Variants in PPP1R1B observed in about 807,000 individuals in gnomAD.
PPP1R1B encodes the protein protein phosphatase 1 regulatory inhibitor subunit 1B, also known as protein phosphatase 1 regulatory subunit 1B.
PPP1R1B carries 13 observed loss-of-function variants against 28.2 expected under a neutral mutation model. The observed-to-expected ratio is 0.46, with a 90% CI of 0.30 to 0.73. The LOEUF (loss-of-function observed/expected upper bound fraction) is 0.73, where lower values mean the gene tolerates loss of function less well. Ranked by LOEUF, PPP1R1B falls within the 30% of genes least tolerant of loss-of-function variation. The pLI is 0.07. For synonymous variants in PPP1R1B, 102 were observed against 97.5 expected, an observed-to-expected ratio of 1.05 and a Z score of -0.27; for missense variants, 236 against 256.7, an observed-to-expected ratio of 0.92 and a Z score of 0.55.
chr17:39,629,153 T>A lies in PPP1R1B; in HGVS notation c.82-17T>A. On this transcript the variant is annotated splice_polypyrimidine_tract_variant and intron_variant, in intron 1 of 6. Coordinates refer to ENST00000254079, the MANE Select transcript of PPP1R1B (RefSeq NM_032192.4). ...CTGCAGGTGTCCATCCAGTCACCCCTCCCTCCATCTCCTTAGATCCGGCGC... is the reference window on the plus strand; with the variant it reads ...CTGCAGGTGTCCATCCAGTCACCCCACCCTCCATCTCCTTAGATCCGGCGC... 6.2e-7 allele frequency: 1 copy of A among 1,612,752 alleles called. No homozygotes were observed. The highest frequency in any genetic ancestry group is 1.1e-5 in the South Asian group (1 of 91,044).
At position 39,629,152 on chromosome 17, in the gene PPP1R1B, C is replaced by T; in HGVS notation, c.82-18C>T. On this transcript the variant is annotated intron_variant, in intron 1 of 6. Coordinates refer to ENST00000254079, the MANE Select transcript of PPP1R1B (RefSeq NM_032192.4). ...GCTGCAGGTGTCCATCCAGTCACCCCTCCCTCCATCTCCTTAGATCCGGCG... is the reference window on the plus strand; with the variant it reads ...GCTGCAGGTGTCCATCCAGTCACCCTTCCCTCCATCTCCTTAGATCCGGCG... 2 of 1,612,784 alleles carry T rather than the reference C, an allele frequency of 1.2e-6. No individual in the cohort carries two copies. The highest frequency in any genetic ancestry group is 8.5e-7 in the Non-Finnish European group (1 of 1,179,394).
At position 39,635,936 on chromosome 17, in the gene PPP1R1B, C is replaced by A; in HGVS notation, c.*71C>A. ...GTTCCCCAGAAACCCACTCTATCCT[C>A]ACCCTGTTTTGTGCTCTTCCCCTCG... On this transcript the variant is annotated 3_prime_UTR_variant, in exon 7 of 7. Coordinates refer to ENST00000254079, the MANE Select transcript of PPP1R1B (RefSeq NM_032192.4). 1 of 1,543,364 alleles carries A rather than the reference C, an allele frequency of 6.5e-7. No homozygotes were observed. Among genetic ancestry groups the A allele is most frequent in the Non-Finnish European group, 8.9e-7 (1 of 1,129,332 alleles).
chr17:39,633,702 G>A (rs1438264491), intron 4 of PPP1R1B, 181 bp from the exon 5 acceptor site: 13 of 1,025,044 alleles, frequency 1.3e-5, no homozygotes, highest in Non-Finnish European at 1.8e-5. Flanking sequence ...GGCTGCCTCT[G>A]CCCTGGTCTG....
At chr17:39,627,551 C>T in intron 1 of PPP1R1B, 78 bp downstream of exon 1, 1 of 952,880 alleles carries the variant, frequency 1.0e-6, no homozygotes, top group Non-Finnish European at 1.5e-6. Context: ...AGGCGCTGCC[C>T]CGGCCGGACT....
chr17:39,627,405 G>A lies in PPP1R1B; in HGVS notation c.13G>A (p.Asp5Asn). The change falls in exon 1 of 7, where the codon GAC becomes AAC. Residue 5 changes from aspartate to asparagine, a missense_variant. Coordinates refer to ENST00000254079, the MANE Select transcript of PPP1R1B (RefSeq NM_032192.4). MDPK[D>N]RKKIQFSVPA... ...CACCCCGCGCGCCATGGACCCCAAG[G>A]ACCGCAAGAAGATCCAGTTCTCGGT... 1 of 1,603,686 alleles carries A rather than the reference G, an allele frequency of 6.2e-7. No homozygotes were observed. The highest frequency in any genetic ancestry group is 1.7e-4 in the Middle Eastern group (1 of 6,008).
intron 3 of PPP1R1B, 92 bp from the exon 4 acceptor site, chr17:39,629,880 C>T (rs2056863711): frequency 1.6e-6 from 2 of 1,290,176 alleles, no homozygotes; most frequent in East Asian, 2.4e-5. Flanking sequence ...CTAAATCAGT[C>T]TGCTTGGGTG....
Position 39,636,197 on chromosome 17 carries a change from T to G in PPP1R1B, c.*332T>G. 3.1e-6 allele frequency: 1 copy of G among 322,422 alleles called. No individual in the cohort carries two copies. Among genetic ancestry groups the G allele is most frequent in the Non-Finnish European group, 5.9e-6 (1 of 168,146 alleles). 20.0% of individuals were successfully genotyped at this position (322,422 alleles called of 1,614,324 possible). A position where few individuals can be genotyped will look rare whatever the true frequency, so the allele number is the denominator to read the frequency against. On this transcript the variant is annotated 3_prime_UTR_variant, in exon 7 of 7. Transcript: ENST00000254079. ...TCACAATTCTACTCCCCAGATCCTC[T>G]CCCCTGGACACAGGAGACCCACAGG...
In PPP1R1B at chr17:39,636,043, C is replaced by T. The variant is rs2056920594; in HGVS notation, c.*178C>T. On this transcript the variant is annotated 3_prime_UTR_variant, in exon 7 of 7. Coordinates refer to ENST00000254079, the MANE Select transcript of PPP1R1B (RefSeq NM_032192.4). ...TGTTTGCCCACCTTTGGCTGATACCCAGAGAACCTGGGCACTTGCTGCCTG... is the reference window on the plus strand; with the variant it reads ...TGTTTGCCCACCTTTGGCTGATACCTAGAGAACCTGGGCACTTGCTGCCTG... 1.4e-6 allele frequency: 1 copy of T among 694,572 alleles called. No homozygotes were observed. The highest frequency in any genetic ancestry group is 1.8e-5 in the African/African-American group (1 of 55,606). 43.0% of individuals were successfully genotyped at this position (694,572 alleles called of 1,614,324 possible).
chr17:39,634,188 T>C, intron 5 of PPP1R1B, 102 bp downstream of exon 5: 2 of 1,459,952 alleles, frequency 1.4e-6, no homozygotes, highest in South Asian at 2.4e-5. Flanking sequence ...CAAACTGTAG[T>C]GACACCACAG....
chr17:39,631,038 C>T (rs755272236), intron 4 of PPP1R1B, among the ~76,000 whole-genome samples: 2 of 151,816 alleles, frequency 1.3e-5, no homozygotes, highest in African/African-American at 2.4e-5. Flanking sequence ...CATTGCACTC[C>T]AGTCTGGGCA....
intron 5 of PPP1R1B, 60 bp from the exon 6 acceptor site, chr17:39,635,547 C>A (rs2056913073): frequency 1.9e-6 from 3 of 1,581,036 alleles, no homozygotes; most frequent in Non-Finnish European, 2.6e-6. Context: ...AGCTCACACT[C>A]CAGGACAGCC....
In PPP1R1B at chr17:39,627,089, G is replaced by C. The variant is rs2056842869; in HGVS notation, c.-304G>C. 1 of 400,384 alleles carries C rather than the reference G, an allele frequency of 2.5e-6. No homozygotes were observed. The highest frequency in any genetic ancestry group is 4.8e-5 in the South Asian group (1 of 20,900). The allele number at this position is 400,384 out of a possible 1,614,324, so 24.8% of individuals were successfully genotyped here. On this transcript the variant is annotated 5_prime_UTR_variant, in exon 1 of 7. Transcript: ENST00000254079. ...AGACGCAGAGACACTCAGGAGGGGA[G>C]AGACACCGAGACGCAGAGACACCCA...
chr17:39,633,795 G>A (rs2056895738), intron 4 of PPP1R1B, 88 bp from the exon 5 acceptor site: 27 of 1,582,750 alleles, frequency 1.7e-5, no homozygotes, highest in Non-Finnish European at 2.1e-5. Flanking sequence ...CCTACGGGAA[G>A]GAGGCTGGGG....
chr17:39,635,258 A>C (rs1042433148), intron 5 of PPP1R1B, among the ~76,000 whole-genome samples: 3 of 152,112 alleles, frequency 2.0e-5, no homozygotes, highest in African/African-American at 7.2e-5. Flanking sequence ...AAAAATGCAG[A>C]AGGGCACCGG....
At chr17:39,630,242 A>C (rs1343206723) in intron 4 of PPP1R1B, 195 bp downstream of exon 4, 6 of 579,796 alleles carry the variant, frequency 1.0e-5, no homozygotes, top group Middle Eastern at 3.5e-4. Flanking sequence ...CGAGGCTGCA[A>C]TGGGCAGCTA....
rs762527153 is a variant in PPP1R1B, at chr17:39,627,367, C to CA, written c.-25dup. ...CGCCGGGACCCCGAGTCGCGCACCC[C>CA]AGCCCCACCGCCCACCCCGCGCGCC... On this transcript the variant is annotated 5_prime_UTR_variant, in exon 1 of 7. Transcript: ENST00000254079. The CA allele has an allele frequency of 6.4e-7, 1 of 1,555,332 alleles. No homozygotes were observed. Among genetic ancestry groups the CA allele is most frequent in the Non-Finnish European group, 8.8e-7 (1 of 1,138,954 alleles).
intron 1 of PPP1R1B, among the ~76,000 whole-genome samples, 167 bp from the exon 2 acceptor site, chr17:39,629,003 C>T (rs902777991): frequency 5.9e-5 from 9 of 152,282 alleles, no homozygotes; most frequent in African/African-American, 2.2e-4. Context: ...GCTTTTTCAC[C>T]TCTGTAAAAT....
chr17:39,631,060 A>G (rs2056873703), intron 4 of PPP1R1B, among the ~76,000 whole-genome samples: 1 of 150,180 alleles, frequency 6.7e-6, no homozygotes, highest in Non-Finnish European at 1.5e-5. Flanking sequence ...AAAGAGCAAA[A>G]CTCTGTCTCA....
At chr17:39,633,674 A>G in intron 4 of PPP1R1B, 1 of 711,272 alleles carries the variant, frequency 1.4e-6, no homozygotes. Flanking sequence ...AGAGCCAAAC[A>G]TGATCAAATC....
Sources: gnomAD v4.1 joint callset for allele counts (sites outside exome capture counted in the v4.1 genomes callset) on GRCh38, gnomAD v4.1.1 for gene constraint, MANE v1.5 for transcripts, NCBI Gene and HGNC (gene_info 2026-07-23, HGNC 2026-07-21) for gene names.